QTRT1: variants seen among roughly 807,000 people sequenced by gnomAD.
The protein encoded by QTRT1 is queuine tRNA-ribosyltransferase catalytic subunit 1.
In QTRT1, 41 loss-of-function variants were observed where a neutral mutation model predicts 44.0. The observed-to-expected ratio is 0.93, with a 90% CI of 0.73 to 1.21. QTRT1 has a LOEUF of 1.21. Among genes scored for constraint, QTRT1 ranks in the 50% most tolerant of loss-of-function variants. The pLI is 0.00. For missense variants in QTRT1, 542 were observed against 575.8 expected (o/e 0.94, Z 0.60); for synonymous variants, 226 against 237.1 (o/e 0.95, Z 0.43).
At position 10,712,237 on chromosome 19, in the gene QTRT1, G is replaced by A; in HGVS notation, c.723G>A (p.Arg241=). The A allele has an allele frequency of 1.2e-6, 2 of 1,614,152 alleles. No homozygotes were observed. Among genetic ancestry groups the A allele is most frequent in the Non-Finnish European group, 1.7e-6 (2 of 1,180,052 alleles). The change falls in exon 6 of 10, where the codon CGG becomes CGA. Residue 241 remains arginine (R), a synonymous_variant. Transcript: ENST00000250237. This position sits in a 1 kb window ranked among gnomAD's most constrained non-coding sequence, Gnocchi z 5.6. ...GTGAGAGCAAGTCGCAGTTCTGGCG[G>A]ATGGTGGCGCTGAGCACCTCTCGGC... is the stretch of plus-strand genomic sequence containing the variant. ...SGGESKSQFW[R]MVALSTSRLP...
intron 3 of QTRT1, 35 bp downstream of exon 3, chr19:10,702,289 G>A (rs892050585): frequency 6.2e-7 from 1 of 1,603,388 alleles, no homozygotes; most frequent in Admixed American, 1.7e-5. Context: ...TCCTTACCCT[G>A]TCTGTCAGGG....
chr19:10,707,408 G>A (rs1194767765), intron 4 of QTRT1, 28 bp downstream of exon 4: 2 of 1,612,560 alleles, frequency 1.2e-6, no homozygotes, highest in Middle Eastern at 1.7e-4. Context: ...GCATGTGTGG[G>A]ATATGTGGTG....
intron 5 of QTRT1, chr19:10,711,704 T>C (rs536813515): frequency 4.8e-5 from 9 of 185,812 alleles, no homozygotes; most frequent in Non-Finnish European, 1.0e-4. Context: ...TCAAGTGATC[T>C]GCTTGCCTCG....
intron 3 of QTRT1, 103 bp from the exon 4 acceptor site, chr19:10,707,199 G>A: frequency 3.5e-6 from 4 of 1,130,444 alleles, no homozygotes; most frequent in Non-Finnish European, 4.0e-6. Context: ...GACGGGGGAT[G>A]GGGGGATGCT....
Position 10,701,490 on chromosome 19 carries a change from G to GGCA in QTRT1, c.31_32insCAG (p.Leu10_Glu11insAla). 6.3e-7 allele frequency: 1 copy of GGCA among 1,575,978 alleles called. No individual in the cohort carries two copies. Among genetic ancestry groups the GGCA allele is most frequent in the Non-Finnish European group, 8.6e-7 (1 of 1,157,112 alleles). On this transcript the variant is annotated inframe_insertion, in exon 1 of 10. Coordinates refer to ENST00000250237, the MANE Select transcript of QTRT1 (RefSeq NM_031209.3). ...CGGGAGCAGCTACCCAGGCTTCCCTGGAGTCGGCCCCACGGATCATGCGGC... is the reference window on the plus strand; with the variant it reads ...CGGGAGCAGCTACCCAGGCTTCCCTGGCAGAGTCGGCCCCACGGATCATGCGGC...
Position 10,712,438 on chromosome 19 carries a change from C to T in QTRT1, c.786-115C>T. Reference sequence around the variant, plus strand: ...AGGAGACTAGGAAGACATGGCTGTCCCTTGGGGGCCATTCTGAGGGAATAT... The same window carrying T: ...AGGAGACTAGGAAGACATGGCTGTCTCTTGGGGGCCATTCTGAGGGAATAT... On this transcript the variant is annotated intron_variant, in intron 6 of 9. Coordinates refer to ENST00000250237, the MANE Select transcript of QTRT1 (RefSeq NM_031209.3). This position sits in a 1 kb window ranked among gnomAD's most constrained non-coding sequence, Gnocchi z 5.6. 2 of 1,438,636 alleles carry T rather than the reference C, an allele frequency of 1.4e-6. No individual in the cohort carries two copies. The highest frequency in any genetic ancestry group is 1.9e-6 in the Non-Finnish European group (2 of 1,031,292). 89.1% of individuals were successfully genotyped at this position (1,438,636 alleles called of 1,614,324 possible). A position where few individuals can be genotyped will look rare whatever the true frequency, so the allele number is the denominator to read the frequency against.
intron 3 of QTRT1, among the ~76,000 whole-genome samples, chr19:10,702,751 A>C (rs1485134969): frequency 1.3e-5 from 2 of 150,300 alleles, no homozygotes; most frequent in Non-Finnish European, 3.0e-5. Flanking sequence ...CATATCCTCA[A>C]TATCCTTCTT....
rs761447922 is a variant in QTRT1 at position 10,712,131 on chromosome 19, T to A, written c.647-30T>A. The A allele has an allele frequency of 6.8e-6, 11 of 1,610,942 alleles. No individual in the cohort carries two copies. Among genetic ancestry groups the A allele is most frequent in the Non-Finnish European group, 9.3e-6 (11 of 1,180,000 alleles). Reference sequence around the variant, plus strand: ...TGAAGACCAGGCGCATTTCCTCTTCTGTGGCCCTCACCTTACCCTGTACCC... The same window carrying A: ...TGAAGACCAGGCGCATTTCCTCTTCAGTGGCCCTCACCTTACCCTGTACCC... On this transcript the variant is annotated intron_variant, in intron 5 of 9. Coordinates refer to ENST00000250237, the MANE Select transcript of QTRT1 (RefSeq NM_031209.3). The surrounding 1 kb of genome is among the most constrained non-coding windows in gnomAD (Gnocchi z 5.6).
intron 3 of QTRT1, among the ~76,000 whole-genome samples, chr19:10,703,260 C>T (rs1162760689): frequency 6.6e-6 from 1 of 151,506 alleles, no homozygotes; most frequent in Non-Finnish European, 1.5e-5. Context: ...ACGGGTTTCA[C>T]TATGTTGGCA....
chr19:10,712,566 C>CTGG lies in QTRT1; in HGVS notation c.801_803dup (p.Val269dup). ...CTGCAACCCCAGCTATGCCACTGATCTGGTAGTCTGCGTGGCTCTTGGATG... is the reference window on the plus strand; with the variant it reads ...CTGCAACCCCAGCTATGCCACTGATCTGGTGGTAGTCTGCGTGGCTCTTGGATG... On this transcript the variant is annotated inframe_insertion, in exon 7 of 10. Transcript: ENST00000250237. The surrounding 1 kb of genome is among the most constrained non-coding windows in gnomAD (Gnocchi z 5.6). 1 of 1,613,684 alleles carries CTGG rather than the reference C, an allele frequency of 6.2e-7. No homozygotes were observed. The highest frequency in any genetic ancestry group is 8.5e-7 in the Non-Finnish European group (1 of 1,179,726).
In QTRT1 at chr19:10,713,284, G is replaced by C. The variant is rs773735654; in HGVS notation, c.*14G>C. ...ACACTGGGCTGACCTGGCATTGGGA[G>C]AGGGAGGGAGGAAGGAAGGGAGGGA... On this transcript the variant is annotated 3_prime_UTR_variant, in exon 10 of 10. Transcript: ENST00000250237. This position sits in a 1 kb window ranked among gnomAD's most constrained non-coding sequence, Gnocchi z 4.3. 1 of 1,579,458 alleles carries C rather than the reference G, an allele frequency of 6.3e-7. No individual in the cohort carries two copies. The highest frequency in any genetic ancestry group is 1.2e-5 in the South Asian group (1 of 86,344).
At position 10,709,989 on chromosome 19, in the gene QTRT1, C is replaced by T. The variant is rs1032694168; in HGVS notation, c.647-2172C>T. ...TCACACCACTGCACTCCAGCCTGGG[C>T]GACAGAGCAAGAATCTGTCTCAAAA... On this transcript the variant is annotated intron_variant, in intron 5 of 9. Coordinates refer to ENST00000250237, the MANE Select transcript of QTRT1 (RefSeq NM_031209.3). Among the ~76,000 whole-genome samples, 28 of 151,752 alleles carry T rather than the reference C, an allele frequency of 1.8e-4. 1 individual carries two copies. The highest frequency in any genetic ancestry group is 3.1e-4 in the African/African-American group (13 of 41,278).
At position 10,712,737 on chromosome 19, in the gene QTRT1, C is replaced by G. The variant is rs775681114; in HGVS notation, c.862-21C>G. The G allele has an allele frequency of 1.1e-5, 18 of 1,609,362 alleles. No individual in the cohort carries two copies. In the Admixed American group the frequency reaches 3.0e-4, roughly 27 times the overall value. On this transcript the variant is annotated intron_variant, in intron 7 of 9. Coordinates refer to ENST00000250237, the MANE Select transcript of QTRT1 (RefSeq NM_031209.3). The surrounding 1 kb of genome is among the most constrained non-coding windows in gnomAD (Gnocchi z 5.6). Reference sequence around the variant, plus strand: ...TGAAGCCCTGGGTGACGCCCCTTTCCCTGCCCTTCCTCTCCCACAGCGCTT... The same window carrying G: ...TGAAGCCCTGGGTGACGCCCCTTTCGCTGCCCTTCCTCTCCCACAGCGCTT...
At chr19:10,707,256 A>G in intron 3 of QTRT1, 46 bp from the exon 4 acceptor site, 2 of 1,597,970 alleles carry the variant, frequency 1.3e-6, no homozygotes, top group Non-Finnish European at 8.6e-7. Flanking sequence ...GCTTTCCCCA[A>G]GCATTGCGGG....
At chr19:10,710,735 A>G (rs914038031) in intron 5 of QTRT1, among the ~76,000 whole-genome samples, 1 of 151,992 alleles carries the variant, frequency 6.6e-6, no homozygotes, top group South Asian at 2.1e-4. Context: ...CAGCCTGCCC[A>G]ACATGGCGGA....
rs2068692699 is a variant in QTRT1, at chr19:10,702,173, G to A, written c.370G>A (p.Gly124Ser). ...GTCTCTGTCCGAGGTGACGGAGGAG[G>A]GCGTCCGCTTCCGCTCCCCCTACGA... is the stretch of plus-strand genomic sequence containing the variant. ...LVSLSEVTEE[G>S]VRFRSPYDGN... The change falls in exon 3 of 10, where the codon GGC becomes AGC. Residue 124 changes from glycine to serine, a missense_variant. Physicochemically the swap from Gly to Ser is moderately conservative, Grantham distance 56. Transcript: ENST00000250237. The A allele has an allele frequency of 6.2e-7, 1 of 1,614,124 alleles. No homozygotes were observed. The highest frequency in any genetic ancestry group is 1.3e-5 in the African/African-American group (1 of 75,030).
In QTRT1 at chr19:10,702,030, A is replaced by G. The variant is rs1255866488; in HGVS notation, c.312+12A>G. The G allele has an allele frequency of 6.2e-7, 1 of 1,614,176 alleles. No individual in the cohort carries two copies. Among genetic ancestry groups the G allele is most frequent in the Non-Finnish European group, 8.5e-7 (1 of 1,180,012 alleles). On this transcript the variant is annotated intron_variant, in intron 2 of 9. Transcript: ENST00000250237. ...ATAATCTGCTAACGGTGAGCTGAGG[A>G]GAGAGCCGACGTTCTAGGGCCCTTC...
At position 10,707,286 on chromosome 19, in the gene QTRT1, C is replaced by G. The variant is rs748973883; in HGVS notation, c.452-16C>G. The G allele has an allele frequency of 6.2e-7, 1 of 1,613,652 alleles. No homozygotes were observed. On this transcript the variant is annotated splice_polypyrimidine_tract_variant and intron_variant, in intron 3 of 9. Coordinates refer to ENST00000250237, the MANE Select transcript of QTRT1 (RefSeq NM_031209.3). ...TGCGGGCTTTCCCAGTGATGTTGCC[C>G]CCATCTCACCATCAGGCTCGGACAT...
chr19:10,707,895 G>C (rs1028248487), intron 5 of QTRT1, among the ~76,000 whole-genome samples: 1 of 151,516 alleles, frequency 6.6e-6, no homozygotes, highest in African/African-American at 2.4e-5. Flanking sequence ...CCAAAGTGCT[G>C]GGATTATAGT....
Sources: allele counts gnomAD v4.1 joint callset (sites outside exome capture counted in the v4.1 genomes callset), GRCh38; gene constraint gnomAD v4.1.1; non-coding constraint Gnocchi (gnomAD v3.1); transcripts MANE v1.5; gene names NCBI Gene and HGNC (gene_info 2026-07-23, HGNC 2026-07-21).